The following IDE variants were observed in gnomAD, a reference collection of about 807,000 sequenced individuals.
The protein encoded by IDE is insulin degrading enzyme, also known as insulin-degrading enzyme.
Under a neutral mutation model 133.2 loss-of-function variants are expected in IDE, and 58 were observed. That is an observed-to-expected ratio of 0.44 (90% CI 0.35 to 0.54). IDE has a LOEUF of 0.54. Among genes scored for constraint, IDE ranks in the 20% least tolerant of loss-of-function variants. IDE has a pLI of 0.00. For synonymous variants in IDE, 396 were observed against 421.3 expected, an observed-to-expected ratio of 0.94 and a Z score of 0.73; for missense variants, 981 against 1,234.0, an observed-to-expected ratio of 0.79 and a Z score of 3.07.
chr10:92,496,533 C>T (rs1847712063), intron 11 of IDE, among the ~76,000 whole-genome samples: 1 of 152,142 alleles, frequency 6.6e-6, no homozygotes, highest in Non-Finnish European at 1.5e-5. Context: ...TGCCTGTAAT[C>T]TCAACAATTT....
intron 24 of IDE, among the ~76,000 whole-genome samples, chr10:92,455,218 G>C (rs1844928094): frequency 6.6e-6 from 1 of 152,128 alleles, no homozygotes; most frequent in South Asian, 2.1e-4. Flanking sequence ...TCTCGTGCCT[G>C]TAATCCCAGC....
intron 13 of IDE, 100 bp from the exon 14 acceptor site, chr10:92,483,437 T>TA (rs1389413159): frequency 1.2e-5 from 8 of 689,026 alleles, no homozygotes; most frequent in East Asian, 5.3e-5. Context: ...AAGCAATAGT[T>TA]AGAGTTTTGT....
chr10:92,559,912 T>C (rs1053910212), intron 1 of IDE, among the ~76,000 whole-genome samples: 5 of 152,070 alleles, frequency 3.3e-5, no homozygotes, highest in African/African-American at 1.2e-4. Flanking sequence ...TAATTTTTTA[T>C]TTTTTGTAGA....
At chr10:92,507,693 C>T (rs756633283) in intron 8 of IDE, 27 bp from the exon 9 acceptor site, 9 of 1,197,416 alleles carry the variant, frequency 7.5e-6, no homozygotes, top group Middle Eastern at 3.8e-4. Context: ...CACTTAAAAA[C>T]CATTCAGTCC....
intron 17 of IDE, among the ~76,000 whole-genome samples, chr10:92,470,934 AT>A (rs1845932953): frequency 1.3e-5 from 2 of 152,168 alleles, no homozygotes; most frequent in South Asian, 4.1e-4. Context: ...CTGTAAATGT[AT>A]TATTTTATTC....
chr10:92,522,855 A>AG (rs1849306745), intron 4 of IDE, among the ~76,000 whole-genome samples: 3 of 152,190 alleles, frequency 2.0e-5, no homozygotes, highest in Non-Finnish European at 2.9e-5. Context: ...TTAGCATAGC[A>AG]CTCAATAAAA....
intron 19 of IDE, among the ~76,000 whole-genome samples, chr10:92,466,254 C>G (rs537501869): frequency 7.5e-6 from 1 of 133,266 alleles, no homozygotes; most frequent in Non-Finnish European, 1.6e-5. Flanking sequence ...AAAAAAAAAG[C>G]AGAGAGAGAG....
At chr10:92,537,637 C>G in intron 1 of IDE, 87 bp from the exon 2 acceptor site, 1 of 953,186 alleles carries the variant, frequency 1.0e-6, no homozygotes, top group Non-Finnish European at 1.6e-6. Flanking sequence ...TATAATACAT[C>G]ATCAGATTTT....
intron 1 of IDE, among the ~76,000 whole-genome samples, chr10:92,542,907 A>C (rs1028972258): frequency 3.9e-5 from 6 of 152,216 alleles, no homozygotes; most frequent in Admixed American, 1.3e-4. Flanking sequence ...TTCCACACCA[A>C]GAGTAAATTT....
intron 21 of IDE, among the ~76,000 whole-genome samples, chr10:92,462,016 T>A (rs1187365125): frequency 1.3e-5 from 2 of 151,812 alleles, no homozygotes; most frequent in African/African-American, 4.8e-5. Flanking sequence ...TGATTTCAAA[T>A]AAAAGTAAGT....
At chr10:92,546,515 A>G (rs1842539381) in intron 1 of IDE, among the ~76,000 whole-genome samples, 2 of 152,192 alleles carry the variant, frequency 1.3e-5, no homozygotes, top group Non-Finnish European at 2.9e-5. Flanking sequence ...GAAAGCAGCT[A>G]CCCATACCAA....
In IDE at chr10:92,508,907, A is replaced by T. The variant is rs777077027; in HGVS notation, c.898-17T>A. On this transcript the variant is annotated splice_polypyrimidine_tract_variant and intron_variant, in intron 6 of 24. Coordinates refer to ENST00000265986, the MANE Select transcript of IDE (RefSeq NM_004969.4). ...GTAAAGTTGCTGGAGAAAACAAATC[A>T]CAGAGATTAGCTATATACGACTCCT... 3.1e-6 allele frequency: 5 copies of T among 1,598,780 alleles called. No homozygotes were observed. The highest frequency in any genetic ancestry group is 1.3e-5 in the African/African-American group (1 of 74,646).
chr10:92,535,905 G>C (rs1389206974), intron 2 of IDE, among the ~76,000 whole-genome samples: 1 of 151,706 alleles, frequency 6.6e-6, no homozygotes, highest in South Asian at 2.1e-4. Context: ...GCGTGGTGGC[G>C]GGCGCCTATA....
At chr10:92,511,287 G>C (rs1848617583) in intron 5 of IDE, among the ~76,000 whole-genome samples, 1 of 151,770 alleles carries the variant, frequency 6.6e-6, no homozygotes, top group South Asian at 2.1e-4. Context: ...ATTTTTAATA[G>C]AGACAGGGTT....
intron 17 of IDE, among the ~76,000 whole-genome samples, chr10:92,471,715 TTTTA>T (rs1244544971): frequency 3.3e-5 from 5 of 152,078 alleles, no homozygotes; most frequent in Non-Finnish European, 5.9e-5. Context: ...CATTTTAAAT[TTTTA>T]TTTATTTATT....
intron 19 of IDE, 60 bp from the exon 20 acceptor site, chr10:92,465,903 C>G: frequency 7.2e-7 from 1 of 1,388,382 alleles, no homozygotes; most frequent in Non-Finnish European, 1.0e-6. Context: ...TTAATAAAGT[C>G]AATGCTATGT....
chr10:92,493,878 C>T (rs549006034), intron 11 of IDE, among the ~76,000 whole-genome samples: 1 of 152,080 alleles, frequency 6.6e-6, no homozygotes, highest in Non-Finnish European at 1.5e-5. Context: ...ACGGTACAGA[C>T]AGAGTATACA....
Position 92,552,241 on chromosome 10 carries a change from C to T in IDE, c.99-14691G>A, listed in dbSNP as rs118139391. Among the ~76,000 whole-genome samples the T allele has an allele frequency of 2.0e-5, 3 of 152,206 alleles. No homozygotes were observed. The East Asian group carries it at 5.8e-4, about 29-fold the overall frequency. On this transcript the variant is annotated intron_variant, in intron 1 of 24. Coordinates refer to ENST00000265986, the MANE Select transcript of IDE (RefSeq NM_004969.4). ...TGTGACCTATTTTAAAAATGTTTCT[C>T]ACAGGTGAGCTAGCAATTATGAAAC...
intron 11 of IDE, among the ~76,000 whole-genome samples, chr10:92,492,123 G>A (rs577761668): frequency 1.2e-3 from 190 of 152,096 alleles, no homozygotes; most frequent in African/African-American, 4.5e-3. Context: ...AGCCGGGTGT[G>A]GTGGCGGGTG....
Sources: allele counts gnomAD v4.1 joint callset (sites outside exome capture counted in the v4.1 genomes callset), GRCh38; gene constraint gnomAD v4.1.1; transcripts MANE v1.5; gene names NCBI Gene and HGNC (gene_info 2026-07-23, HGNC 2026-07-21).